Variants in INTS9 observed in about 807,000 individuals in gnomAD.
INTS9 encodes the protein protein related to CPSF subunits of 74 kDa.
A neutral mutation model predicts 79.7 loss-of-function variants in INTS9; 55 were observed. The observed-to-expected ratio is 0.69, with a 90% CI of 0.56 to 0.86. INTS9 has a LOEUF of 0.86. Among genes scored for constraint, INTS9 ranks in the 40% least tolerant of loss-of-function variants. INTS9 has a pLI of 0.00. For synonymous variants in INTS9, 319 were observed against 325.2 expected (o/e 0.98, Z 0.20); for missense variants, 721 against 831.5 (o/e 0.87, Z 1.64).
At chr8:28,798,990 G>A (rs1439007786) in intron 8 of INTS9, among the ~76,000 whole-genome samples, 2 of 152,132 alleles carry the variant, frequency 1.3e-5, no homozygotes, top group African/African-American at 4.8e-5. Context: ...AAGACCTACT[G>A]ATCCAGATAA....
chr8:28,881,127 G>GGA (rs1809747241), intron 1 of INTS9, among the ~76,000 whole-genome samples: 1 of 149,466 alleles, frequency 6.7e-6, no homozygotes, highest in African/African-American at 2.5e-5. Context: ...AGGGAGGTGG[G>GGA]GGGGTCAGCC....
intron 1 of INTS9, among the ~76,000 whole-genome samples, chr8:28,860,897 G>T (rs1313285249): frequency 6.6e-6 from 1 of 152,154 alleles, no homozygotes; most frequent in African/African-American, 2.4e-5. Flanking sequence ...TTGCTCTGTT[G>T]GTTCTATCTT....
intron 8 of INTS9, among the ~76,000 whole-genome samples, chr8:28,800,528 C>T (rs1262668418): frequency 6.6e-6 from 1 of 152,150 alleles, no homozygotes; most frequent in East Asian, 1.9e-4. Context: ...ACAGCAATTA[C>T]AGGAGATTTC....
chr8:28,772,968 G>A (rs543458704), intron 14 of INTS9, among the ~76,000 whole-genome samples: 2 of 152,240 alleles, frequency 1.3e-5, no homozygotes, highest in African/African-American at 2.4e-5. Flanking sequence ...TGCTGTGGGA[G>A]TATAAACTGT....
intron 13 of INTS9, among the ~76,000 whole-genome samples, chr8:28,776,426 A>G (rs1802884681): frequency 2.8e-5 from 1 of 36,318 alleles, no homozygotes; most frequent in African/African-American, 1.2e-4. Flanking sequence ...GCAGAGGCAG[A>G]GTTTTTTTTT....
chr8:28,781,679 T>C (rs1204405967), intron 11 of INTS9, among the ~76,000 whole-genome samples: 1 of 152,178 alleles, frequency 6.6e-6, no homozygotes, highest in Admixed American at 6.5e-5. Context: ...GGCGCCACTC[T>C]GAAAAGCCAA....
intron 1 of INTS9, among the ~76,000 whole-genome samples, chr8:28,885,095 A>G (rs935899073): frequency 1.3e-5 from 2 of 152,226 alleles, no homozygotes; most frequent in Non-Finnish European, 2.9e-5. Flanking sequence ...CAGTCCATGA[A>G]TTCATTTCTT....
chr8:28,823,469 A>T (rs1350893532), intron 6 of INTS9, among the ~76,000 whole-genome samples: 2 of 152,090 alleles, frequency 1.3e-5, no homozygotes, highest in Non-Finnish European at 1.5e-5. Context: ...CACTTTCCCA[A>T]TGTCCTGCTC....
intron 6 of INTS9, among the ~76,000 whole-genome samples, chr8:28,820,856 A>T (rs1349128946): frequency 6.6e-6 from 1 of 152,212 alleles, no homozygotes; most frequent in Non-Finnish European, 1.5e-5. Context: ...GCAGGTTAAA[A>T]GGAAGGGAGG....
chr8:28,797,131 TG>T (rs1804266827), intron 8 of INTS9, among the ~76,000 whole-genome samples: 1 of 151,980 alleles, frequency 6.6e-6, no homozygotes, highest in South Asian at 2.1e-4. Context: ...CAGGTTGGGG[TG>T]GGGCCTGAGA....
intron 11 of INTS9, among the ~76,000 whole-genome samples, chr8:28,786,673 G>A (rs781032193): frequency 2.6e-5 from 4 of 152,088 alleles, no homozygotes; most frequent in African/African-American, 4.8e-5. Flanking sequence ...ACAAAACTGC[G>A]GAGGCATAGA....
intron 10 of INTS9, among the ~76,000 whole-genome samples, chr8:28,791,667 G>A (rs1803927051): frequency 6.6e-6 from 1 of 152,130 alleles, no homozygotes; most frequent in East Asian, 1.9e-4. Flanking sequence ...GATTACTTCC[G>A]AGTGGTAAGA....
chr8:28,825,772 A>G (rs896929556), intron 6 of INTS9, among the ~76,000 whole-genome samples: 3 of 152,244 alleles, frequency 2.0e-5, no homozygotes. Context: ...AAGCATGAAG[A>G]TGCAAAGCAT....
chr8:28,881,412 C>A, intron 1 of INTS9, among the ~76,000 whole-genome samples: 1 of 144,248 alleles, frequency 6.9e-6, no homozygotes, highest in South Asian at 2.2e-4. Flanking sequence ...CCAGCCGCCC[C>A]GCCCGGGAGG....
chr8:28,796,981 A>G, intron 8 of INTS9: 1 of 208,770 alleles, frequency 4.8e-6, no homozygotes, highest in Non-Finnish European at 1.0e-5. Context: ...AAAACAAGGT[A>G]TCTTGTATTT....
intron 8 of INTS9, among the ~76,000 whole-genome samples, chr8:28,801,003 T>C (rs1804484568): frequency 6.6e-6 from 1 of 152,144 alleles, no homozygotes; most frequent in Non-Finnish European, 1.5e-5. Context: ...CTCCAACTGA[T>C]CCATGGACTA....
intron 6 of INTS9, among the ~76,000 whole-genome samples, chr8:28,833,136 T>C (rs1806597405): frequency 6.6e-6 from 1 of 152,140 alleles, no homozygotes; most frequent in African/African-American, 2.4e-5. Flanking sequence ...AAATAGTCAC[T>C]ATAGAAAAAG....
At chr8:28,852,829 G>C (rs1807921769) in intron 2 of INTS9, among the ~76,000 whole-genome samples, 1 of 152,196 alleles carries the variant, frequency 6.6e-6, no homozygotes, top group Admixed American at 6.5e-5. Flanking sequence ...TGGTTACTTT[G>C]GGTTAGAGCC....
intron 6 of INTS9, among the ~76,000 whole-genome samples, chr8:28,814,882 C>G (rs535082959): frequency 6.6e-6 from 1 of 152,292 alleles, no homozygotes; most frequent in Admixed American, 6.5e-5. Context: ...GCAGAGGATT[C>G]CACAAAGAAA....
Sources: gnomAD v4.1 joint callset for allele counts (sites outside exome capture counted in the v4.1 genomes callset) on GRCh38, gnomAD v4.1.1 for gene constraint, MANE v1.5 for transcripts, NCBI Gene and HGNC (gene_info 2026-07-23, HGNC 2026-07-21) for gene names.